Variants in BZW2 observed in about 807,000 individuals in gnomAD.
BZW2 encodes the protein eIF5-mimic protein 1.
Under a neutral mutation model 53.2 loss-of-function variants are expected in BZW2, and 23 were observed. The ratio of observed to expected loss-of-function variants is 0.43; its 90% confidence interval spans 0.31 to 0.61. The LOEUF (loss-of-function observed/expected upper bound fraction) is 0.61. BZW2 is among the 20% of genes least tolerant of loss of function. BZW2 has a pLI of 0.09. For synonymous variants in BZW2, 227 were observed against 186.4 expected (o/e 1.22, Z -1.77); for missense variants, 409 against 503.1 (o/e 0.81, Z 1.79).
rs768410846 is a variant in BZW2 at position 16,698,131 on chromosome 7, C to T, written c.1053C>T (p.Tyr351=). 11 of 1,614,206 alleles carry T rather than the reference C, an allele frequency of 6.8e-6. No homozygotes were observed. The highest frequency in any genetic ancestry group is 2.7e-5 in the African/African-American group (2 of 75,064). ...ILLQKVQEYC[Y]DNIHFMKAFQ... ...TCCAGAAGGTTCAGGAATACTGCTA[C>T]GACAACATCCATTTCATGAAAGCCT... Residue 351 remains tyrosine, a synonymous_variant, in exon 10 of 12, where the codon TAC becomes TAT. Transcript: ENST00000258761.
At chr7:16,667,230 G>A (rs117911640) in intron 2 of BZW2, among the ~76,000 whole-genome samples, 7,073 of 145,602 alleles carry the variant, frequency 0.049, 221 homozygotes, top group Middle Eastern at 0.078. Flanking sequence ...TCAGTGAGCC[G>A]ACATTGCACC....
chr7:16,692,236 A>G (rs1320001855), intron 7 of BZW2, among the ~76,000 whole-genome samples: 1 of 152,180 alleles, frequency 6.6e-6, no homozygotes, highest in Non-Finnish European at 1.5e-5. Context: ...GGGAGAAGCC[A>G]ACCCTTATTA....
chr7:16,683,225 G>A (rs1362944314), intron 5 of BZW2, among the ~76,000 whole-genome samples: 2 of 152,102 alleles, frequency 1.3e-5, no homozygotes, highest in African/African-American at 4.8e-5. Context: ...AATTTTACAT[G>A]TACAATGATA....
intron 1 of BZW2, among the ~76,000 whole-genome samples, chr7:16,664,735 A>G (rs945927095): frequency 3.9e-5 from 6 of 152,214 alleles, no homozygotes; most frequent in Middle Eastern, 3.2e-3. Flanking sequence ...GTATACAACA[A>G]TGCTGCAACT....
intron 9 of BZW2, 120 bp downstream of exon 9, chr7:16,697,181 C>G: frequency 8.1e-7 from 1 of 1,234,486 alleles, no homozygotes; most frequent in Non-Finnish European, 1.1e-6. Flanking sequence ...CTTTGAACTC[C>G]TGGGCTCAAG....
chr7:16,689,907 G>T lies in BZW2; in HGVS notation c.651+1G>T. On this transcript the variant is annotated splice_donor_variant, in intron 7 of 11. Coordinates refer to ENST00000258761, the MANE Select transcript of BZW2 (RefSeq NM_014038.3). LOFTEE classifies it high-confidence loss of function. Reference sequence around the variant, plus strand: ...AGCCAACTTAGACAAGAGGCTGCTTGTAAGTGTTTTCTGGTTAAAGAGTTG... The same window carrying T: ...AGCCAACTTAGACAAGAGGCTGCTTTTAAGTGTTTTCTGGTTAAAGAGTTG... 2 of 1,607,472 alleles carry T rather than the reference G, an allele frequency of 1.2e-6. No homozygotes were observed. Among genetic ancestry groups the T allele is most frequent in the African/African-American group, 1.3e-5 (1 of 74,914 alleles).
chr7:16,678,087 C>CTTTTTTTTTT (rs71007780), intron 3 of BZW2, among the ~76,000 whole-genome samples: 35 of 66,898 alleles, frequency 5.2e-4, no homozygotes, highest in African/African-American at 6.6e-4. Flanking sequence ...TTCCATTGTT[C>CTTTTTTTTTT]TTTTTTTTTT....
intron 2 of BZW2, among the ~76,000 whole-genome samples, chr7:16,672,952 C>CTT (rs59698213): frequency 2.7e-5 from 4 of 146,676 alleles, no homozygotes; most frequent in African/African-American, 1.0e-4. Flanking sequence ...TATCCACTTT[C>CTT]TTTTTTTTTT....
Position 16,706,092 on chromosome 7 carries a change from G to A in BZW2, c.*4G>A. The A allele has an allele frequency of 6.2e-7, 1 of 1,613,182 alleles. No individual in the cohort carries two copies. The highest frequency in any genetic ancestry group is 8.5e-7 in the Non-Finnish European group (1 of 1,179,546). On this transcript the variant is annotated 3_prime_UTR_variant, in exon 12 of 12. Transcript: ENST00000258761. ...ATCGGAAGGTGAGGAAAATTAAATGGCTCAACAAGCACAATACCTAGGTTA... is the reference window on the plus strand; with the variant it reads ...ATCGGAAGGTGAGGAAAATTAAATGACTCAACAAGCACAATACCTAGGTTA...
intron 5 of BZW2, 48 bp downstream of exon 5, chr7:16,682,893 G>A (rs759813410): frequency 2.2e-6 from 3 of 1,336,410 alleles, no homozygotes; most frequent in Admixed American, 4.5e-5. Context: ...AATGACATGG[G>A]GGTGGATAAA....
chr7:16,697,903 T>C lies in BZW2; in HGVS notation c.970-145T>C, dbSNP rs565050965. On this transcript the variant is annotated intron_variant, in intron 9 of 11. Coordinates refer to ENST00000258761, the MANE Select transcript of BZW2 (RefSeq NM_014038.3). ...CTACTGTTCTGTTCCCCTCACCCCA[T>C]TGGGCACAATATGATGATAAAAGGT... The C allele has an allele frequency of 1.7e-4, 161 of 951,088 alleles. 1 individual carries two copies. In the South Asian group the frequency reaches 2.4e-3, roughly 14 times the overall value. The allele number at this position is 951,088 out of a possible 1,614,324, so 58.9% of individuals were successfully genotyped here. A position where few individuals can be genotyped will look rare whatever the true frequency, so the allele number is the denominator to read the frequency against.
intron 1 of BZW2, among the ~76,000 whole-genome samples, chr7:16,663,224 GCAAT>G (rs1405172393): frequency 2.0e-5 from 3 of 152,130 alleles, no homozygotes; most frequent in Non-Finnish European, 4.4e-5. Context: ...ATACACATAA[GCAAT>G]CAATTACTTT....
At chr7:16,663,412 A>G (rs560901563) in intron 1 of BZW2, among the ~76,000 whole-genome samples, 4 of 152,220 alleles carry the variant, frequency 2.6e-5, no homozygotes, top group African/African-American at 9.6e-5. Flanking sequence ...GGCAAAAATT[A>G]TTTCTCAAGC....
At chr7:16,697,113 TTTTGTTTGTTTG>T in intron 9 of BZW2, 52 bp downstream of exon 9, 1 of 1,569,772 alleles carries the variant, frequency 6.4e-7, no homozygotes, top group South Asian at 1.2e-5. Flanking sequence ...CTGCAGCTTT[TTTTGTTTGTTTG>T]TTTGTTTGTT....
chr7:16,689,951 T>C (rs957875151), intron 7 of BZW2, 45 bp downstream of exon 7: 2 of 1,487,938 alleles, frequency 1.3e-6, no homozygotes, highest in Non-Finnish European at 1.9e-6. Context: ...ATGCCTTTCT[T>C]GGAGCTTAAG....
intron 2 of BZW2, among the ~76,000 whole-genome samples, chr7:16,672,730 C>T (rs1782642123): frequency 6.6e-6 from 1 of 152,210 alleles, no homozygotes; most frequent in Non-Finnish European, 1.5e-5. Flanking sequence ...ATCTTCACTT[C>T]TTATCAACAG....
intron 10 of BZW2, among the ~76,000 whole-genome samples, chr7:16,703,412 TA>T (rs986668349): frequency 1.1e-4 from 17 of 152,110 alleles, no homozygotes; most frequent in Non-Finnish European, 2.1e-4. Context: ...TCTTTAAAAA[TA>T]AAAAAAGCCA....
chr7:16,697,724 G>C (rs1172373373), intron 9 of BZW2, among the ~76,000 whole-genome samples: 1 of 152,144 alleles, frequency 6.6e-6, no homozygotes, highest in African/African-American at 2.4e-5. Context: ...CTATATTAAA[G>C]ATAATTGCTG....
chr7:16,665,613 G>T, intron 2 of BZW2, 112 bp downstream of exon 2: 4 of 1,512,436 alleles, frequency 2.6e-6, no homozygotes, highest in Non-Finnish European at 3.6e-6. Flanking sequence ...CTACTCATTT[G>T]AGCTCTGAGT....
Sources: allele counts gnomAD v4.1 joint callset (sites outside exome capture counted in the v4.1 genomes callset), GRCh38; gene constraint gnomAD v4.1.1; transcripts MANE v1.5; gene names NCBI Gene and HGNC (gene_info 2026-07-23, HGNC 2026-07-21).